The following YES1 variants were observed in gnomAD, a reference collection of about 807,000 sequenced individuals.
The protein encoded by YES1 is YES proto-oncogene 1, Src family tyrosine kinase.
YES1 carries 39 observed loss-of-function variants against 70.4 expected under a neutral mutation model. The observed-to-expected ratio is 0.55, with a 90% confidence interval of 0.43 to 0.72. YES1 has a LOEUF of 0.72. Ranked by LOEUF, YES1 falls within the 30% of genes least tolerant of loss-of-function variation. The pLI is 0.00. For synonymous variants in YES1, 198 were observed against 218.6 expected (o/e 0.91, Z 0.83); for missense variants, 495 against 644.8 (o/e 0.77, Z 2.52).
At position 746,118 on chromosome 18, in the gene YES1, G is replaced by A. The variant is rs183449247; in HGVS notation, c.471-67C>T. 2.6e-5 allele frequency: 31 copies of A among 1,176,138 alleles called. No individual in the cohort carries two copies. The East Asian group carries it at 7.4e-4, about 28-fold the overall frequency. 72.9% of individuals were successfully genotyped at this position (1,176,138 alleles called of 1,614,324 possible). On this transcript the variant is annotated intron_variant, in intron 4 of 11. Coordinates refer to ENST00000314574, the MANE Select transcript of YES1 (RefSeq NM_005433.4). ...TCAGAAAAATTATACAGAAGTGTCA[G>A]TAAGAATGGACTGGGATAGGTTTGG...
chr18:739,622 ATAAAAAT>A (rs921239809), intron 9 of YES1, 106 bp downstream of exon 9: 1 of 863,204 alleles, frequency 1.2e-6, no homozygotes, highest in Non-Finnish European at 1.7e-6. Flanking sequence ...AAAATAAAAA[ATAAAAAT>A]AAAATCCCAC....
In YES1 at chr18:807,683, G is replaced by C. The variant is rs575344882; in HGVS notation, c.-9+4431C>G. The stretch of plus-strand genomic sequence containing the variant: ...GATGTCCATCTTCTCAAACGCCAGG[G>C]ATAAAGAAAGAACAAAAGGAAAAGA... On this transcript the variant is annotated intron_variant, in intron 1 of 11. Coordinates refer to ENST00000314574, the MANE Select transcript of YES1 (RefSeq NM_005433.4). Among the ~76,000 whole-genome samples, 3 of 152,272 alleles carry C rather than the reference G, an allele frequency of 2.0e-5. No individual in the cohort carries two copies. The South Asian group carries it at 6.2e-4, about 32-fold the overall frequency.
At chr18:743,457 A>C in intron 6 of YES1, 42 bp from the exon 7 acceptor site, 1 of 1,515,580 alleles carries the variant, frequency 6.6e-7, no homozygotes, top group Non-Finnish European at 9.0e-7. Flanking sequence ...CAATTACAAA[A>C]ATTAAGGGGC....
intron 1 of YES1, among the ~76,000 whole-genome samples, chr18:789,653 C>T (rs9953536): frequency 0.53 from 81,147 of 151,962 alleles, 23,074 homozygotes; most frequent in African/African-American, 0.75. Flanking sequence ...ACAGCAAAGG[C>T]TGTATTCAGA....
At chr18:771,253 G>A (rs1905142567) in intron 1 of YES1, among the ~76,000 whole-genome samples, 1 of 152,044 alleles carries the variant, frequency 6.6e-6, no homozygotes, top group African/African-American at 2.4e-5. Flanking sequence ...TGTAATCCCA[G>A]CTACCTGGGA....
intron 1 of YES1, among the ~76,000 whole-genome samples, chr18:784,756 T>C (rs983788827): frequency 6.6e-6 from 1 of 152,226 alleles, no homozygotes; most frequent in African/African-American, 2.4e-5. Flanking sequence ...TGCTTTTCTC[T>C]TCCACTCTTA....
intron 8 of YES1, among the ~76,000 whole-genome samples, chr18:742,412 A>G (rs1002333487): frequency 5.3e-5 from 8 of 151,474 alleles, no homozygotes; most frequent in Middle Eastern, 3.4e-3. Context: ...TGAGGCCAGG[A>G]GTTCAAGACC....
intron 1 of YES1, among the ~76,000 whole-genome samples, chr18:806,647 T>C (rs1484387205): frequency 1.3e-5 from 2 of 152,252 alleles, no homozygotes; most frequent in Non-Finnish European, 2.9e-5. Flanking sequence ...CAGTGAATAC[T>C]AGGTCAAGAA....
rs531408247 is a variant in YES1, at chr18:737,192, C to A, written c.1138-231G>T. The stretch of plus-strand genomic sequence containing the variant: ...CACTGGCTGGGTGCGGTGGCCCACA[C>A]CTATAATCCCATTAATTTGGGAGGC... On this transcript the variant is annotated intron_variant, in intron 9 of 11. Transcript: ENST00000314574. The A allele has an allele frequency of 1.5e-4, 55 of 373,004 alleles. 1 individual carries two copies. Among genetic ancestry groups the A allele is most frequent in the Middle Eastern group, 1.5e-3 (2 of 1,316 alleles). 23.1% of individuals were successfully genotyped at this position (373,004 alleles called of 1,614,324 possible).
chr18:797,316 T>TTC (rs1906597419), intron 1 of YES1, among the ~76,000 whole-genome samples: 1 of 152,134 alleles, frequency 6.6e-6, no homozygotes, highest in African/African-American at 2.4e-5. Flanking sequence ...TAAAACAATG[T>TTC]TCTATCAATC....
chr18:724,706 C>T (rs932799100), intron 11 of YES1, 74 bp from the exon 12 acceptor site: 4 of 1,154,392 alleles, frequency 3.5e-6, no homozygotes, highest in Non-Finnish European at 5.1e-6. Flanking sequence ...AACCCCCTAG[C>T]CACTAACTCA....
chr18:766,271 T>C (rs1904905618), intron 1 of YES1, among the ~76,000 whole-genome samples: 1 of 152,130 alleles, frequency 6.6e-6, no homozygotes, highest in South Asian at 2.1e-4. Context: ...TCCAGGAAGT[T>C]TTCCCCACTT....
At chr18:769,629 G>A (rs1468178239) in intron 1 of YES1, among the ~76,000 whole-genome samples, 1 of 152,138 alleles carries the variant, frequency 6.6e-6, no homozygotes, top group Non-Finnish European at 1.5e-5. Flanking sequence ...TATCATAAAT[G>A]AGTGAATTTT....
chr18:727,654 G>C (rs8090148), intron 11 of YES1, among the ~76,000 whole-genome samples: 3 of 151,934 alleles, frequency 2.0e-5, no homozygotes, highest in Non-Finnish European at 4.4e-5. Flanking sequence ...TTTATTGTAT[G>C]TTACTCAAAA....
chr18:735,281 A>C (rs777656785), intron 10 of YES1, among the ~76,000 whole-genome samples: 1 of 152,206 alleles, frequency 6.6e-6, no homozygotes, highest in Non-Finnish European at 1.5e-5. Flanking sequence ...GGATAAAAAA[A>C]AATGTGGCAT....
chr18:748,740 A>C (rs1216088799), intron 3 of YES1, among the ~76,000 whole-genome samples: 1 of 152,150 alleles, frequency 6.6e-6, no homozygotes, highest in Non-Finnish European at 1.5e-5. Context: ...TTTACTGACA[A>C]ATGCTTTTCT....
chr18:801,889 GAACA>G (rs1393488848), intron 1 of YES1, among the ~76,000 whole-genome samples: 4 of 152,140 alleles, frequency 2.6e-5, no homozygotes, highest in African/African-American at 9.7e-5. Flanking sequence ...TAATCTGGCG[GAACA>G]AACACCTTAT....
intron 1 of YES1, among the ~76,000 whole-genome samples, chr18:785,902 C>T (rs1905911807): frequency 6.6e-6 from 1 of 152,118 alleles, no homozygotes; most frequent in Non-Finnish European, 1.5e-5. Flanking sequence ...TGTGCCACTG[C>T]ACTCCAGCCT....
Position 746,066 on chromosome 18 carries a change from A to T in YES1, c.471-15T>A. On this transcript the variant is annotated splice_polypyrimidine_tract_variant and intron_variant, in intron 4 of 11. Coordinates refer to ENST00000314574, the MANE Select transcript of YES1 (RefSeq NM_005433.4). ...CAAAATACCATCTGGAAAAAAATTA[A>T]GTGTTTTGAATTGAAAAGTATGAGG... is the stretch of plus-strand genomic sequence containing the variant. 6.3e-7 allele frequency: 1 copy of T among 1,595,740 alleles called. No individual in the cohort carries two copies. The highest frequency in any genetic ancestry group is 1.1e-5 in the South Asian group (1 of 90,032).
Sources: gnomAD v4.1 joint callset for allele counts (sites outside exome capture counted in the v4.1 genomes callset) on GRCh38, gnomAD v4.1.1 for gene constraint, MANE v1.5 for transcripts, NCBI Gene and HGNC (gene_info 2026-07-23, HGNC 2026-07-21) for gene names.